Variants in USP37 observed in about 807,000 individuals in gnomAD.
USP37 encodes the protein ubiquitin carboxyl-terminal hydrolase 37.
A neutral mutation model predicts 124.0 loss-of-function variants in USP37; 27 were observed. The ratio of observed to expected loss-of-function variants is 0.22; its 90% CI spans 0.16 to 0.30. The LOEUF (loss-of-function observed/expected upper bound fraction) is 0.30. USP37 is among the 10% of genes least tolerant of loss of function. The pLI is 1.00. For missense variants in USP37, 889 were observed against 1,140.4 expected, an observed-to-expected ratio of 0.78 and a Z score of 3.17; for synonymous variants, 365 against 388.0, an observed-to-expected ratio of 0.94 and a Z score of 0.70.
intron 13 of USP37, among the ~76,000 whole-genome samples, chr2:218,496,602 T>TA (rs11271768): frequency 0.99 from 150,816 of 152,286 alleles, 74,697 homozygotes; most frequent in Middle Eastern, 1. Context: ...CAAATCTATA[T>TA]TTGAAGAGTC....
intron 20 of USP37, among the ~76,000 whole-genome samples, chr2:218,467,063 C>T (rs1690367317): frequency 6.6e-6 from 1 of 152,050 alleles, no homozygotes; most frequent in Non-Finnish European, 1.5e-5. Context: ...GTATGTTGAA[C>T]ATGTGTTTAA....
chr2:218,490,211 T>C (rs1033551159), intron 14 of USP37, among the ~76,000 whole-genome samples: 7 of 152,002 alleles, frequency 4.6e-5, no homozygotes, highest in Admixed American at 1.3e-4. Flanking sequence ...ATTAGCCAGG[T>C]GTGGTGGCAG....
At chr2:218,528,621 G>C (rs548052269) in intron 10 of USP37, 47 of 399,772 alleles carry the variant, frequency 1.2e-4, no homozygotes, top group Non-Finnish European at 1.8e-4. Context: ...TTTTATGGCT[G>C]CATAGTATTC....
intron 10 of USP37, among the ~76,000 whole-genome samples, chr2:218,529,601 A>AT (rs1210999076): frequency 1.3e-5 from 2 of 152,032 alleles, no homozygotes; most frequent in African/African-American, 4.8e-5. Context: ...ATTTGAGACC[A>AT]GGCTGGGCAA....
chr2:218,562,493 A>G (rs913221712), intron 2 of USP37, among the ~76,000 whole-genome samples, 180 bp downstream of exon 2: 1 of 152,228 alleles, frequency 6.6e-6, no homozygotes, highest in African/African-American at 2.4e-5. Flanking sequence ...CTGTACATTT[A>G]TTTAAGTGCT....
chr2:218,510,165 G>T (rs1445795188), intron 10 of USP37, 25 bp from the exon 11 acceptor site: 1 of 1,588,540 alleles, frequency 6.3e-7, no homozygotes, highest in East Asian at 2.2e-5. Context: ...AAATAATGAA[G>T]AAGCAAAATA....
chr2:218,568,349 A>AACACGCAC lies in USP37; in HGVS notation c.-402_-401insGTGCGTGT, dbSNP rs1191896636. 1 of 152,852 alleles carries AACACGCAC rather than the reference A, an allele frequency of 6.5e-6. No homozygotes were observed. The highest frequency in any genetic ancestry group is 1.5e-5 in the Non-Finnish European group (1 of 68,294). The allele number at this position is 152,852 out of a possible 1,614,324, so 9.5% of individuals were successfully genotyped here. ...ATGGCGGGAACTGTGACCACACGCA[A>AACACGCAC]ACACGCACGCACGCACGCACACTCG... On this transcript the variant is annotated 5_prime_UTR_variant, in exon 1 of 26. Transcript: ENST00000258399.
Position 218,474,939 on chromosome 2 carries a change from T to C in USP37, c.2044-54A>G, listed in dbSNP as rs1690885095. 6 of 1,527,580 alleles carry C rather than the reference T, an allele frequency of 3.9e-6. No homozygotes were observed. The South Asian group carries it at 5.1e-5, about 13-fold the overall frequency. 94.6% of individuals were successfully genotyped at this position (1,527,580 alleles called of 1,614,324 possible). Reference sequence around the variant, plus strand: ...ACCAGAATACCTACAAATATAGCAATCTTAATTAGTATTTAAAGTAGCAAC... The same window carrying C: ...ACCAGAATACCTACAAATATAGCAACCTTAATTAGTATTTAAAGTAGCAAC... On this transcript the variant is annotated intron_variant, in intron 19 of 25. Coordinates refer to ENST00000258399, the MANE Select transcript of USP37 (RefSeq NM_020935.3).
chr2:218,545,867 A>G (rs1692291302), intron 8 of USP37, among the ~76,000 whole-genome samples: 1 of 151,586 alleles, frequency 6.6e-6, no homozygotes, highest in Admixed American at 6.6e-5. Flanking sequence ...ATGAAAAAGT[A>G]AAAATTTTTT....
chr2:218,566,368 G>A (rs1693594991), intron 1 of USP37, among the ~76,000 whole-genome samples: 1 of 152,224 alleles, frequency 6.6e-6, no homozygotes, highest in African/African-American at 2.4e-5. Flanking sequence ...CAAGAACCAG[G>A]TTATGCAGTC....
rs1489543562 is a variant in USP37 at position 218,451,017 on chromosome 2, T to C, written c.*3913A>G. 2.0e-5 allele frequency: 3 copies of C among 152,096 alleles called. No individual in the cohort carries two copies. The highest frequency in any genetic ancestry group is 1.9e-4 in the East Asian group (1 of 5,204). The allele number at this position is 152,096 out of a possible 1,614,324, so 9.4% of individuals were successfully genotyped here. Reference sequence around the variant, plus strand: ...ATTGTGGTTAAACACAGCAAAATAATTGTCACAAAACTTTCAAGGCCTAAC... The same window carrying C: ...ATTGTGGTTAAACACAGCAAAATAACTGTCACAAAACTTTCAAGGCCTAAC... On this transcript the variant is annotated 3_prime_UTR_variant, in exon 26 of 26. Transcript: ENST00000258399.
intron 20 of USP37, among the ~76,000 whole-genome samples, chr2:218,467,505 C>T (rs1382792554): frequency 2.0e-5 from 3 of 152,272 alleles, no homozygotes; most frequent in African/African-American, 7.2e-5. Flanking sequence ...CACGCCACCA[C>T]GCCCGGCTAA....
At position 218,546,293 on chromosome 2, in the gene USP37, T is replaced by A. The variant is rs756002134; in HGVS notation, c.608A>T (p.Glu203Val). Reference protein sequence around the residue: ...LRSGLLENRTEKRKRMISTGS... With the variant: ...LRSGLLENRTVKRKRMISTGS... ...AGTTGATATCATTCTTTTCCTCTTTTCAGTACTACAGAGAACAAAGAAAAG... is the reference window on the plus strand; with the variant it reads ...AGTTGATATCATTCTTTTCCTCTTTACAGTACTACAGAGAACAAAGAAAAG... Residue 203 changes from glutamate to valine, a missense_variant, in exon 8 of 26, where the codon GAA (glutamate) becomes GTA (valine). Coordinates refer to ENST00000258399, the MANE Select transcript of USP37 (RefSeq NM_020935.3). 6.2e-7 allele frequency: 1 copy of A among 1,611,370 alleles called. No individual in the cohort carries two copies. Among genetic ancestry groups the A allele is most frequent in the Non-Finnish European group, 8.5e-7 (1 of 1,178,760 alleles).
At chr2:218,468,800 T>G (rs1261634229) in intron 20 of USP37, among the ~76,000 whole-genome samples, 1 of 152,098 alleles carries the variant, frequency 6.6e-6, no homozygotes, top group Non-Finnish European at 1.5e-5. Context: ...TTCAAGAGAT[T>G]CTTATGCCTC....
chr2:218,497,084 T>G (rs1263604727), intron 13 of USP37, among the ~76,000 whole-genome samples: 1 of 152,154 alleles, frequency 6.6e-6, no homozygotes. Context: ...TATTTTTATT[T>G]TTTTGAGACA....
intron 6 of USP37, 80 bp downstream of exon 6, chr2:218,549,729 G>T: frequency 1.5e-6 from 2 of 1,366,126 alleles, no homozygotes; most frequent in East Asian, 2.6e-5. Flanking sequence ...CCTCCCAAGT[G>T]CTGGGATTAC....
At chr2:218,551,962 T>G (rs1692685394) in intron 5 of USP37, among the ~76,000 whole-genome samples, 1 of 152,130 alleles carries the variant, frequency 6.6e-6, no homozygotes, top group African/African-American at 2.4e-5. Flanking sequence ...CTGGCTAATT[T>G]TTTGTATTTT....
chr2:218,465,105 T>C (rs769186375), intron 21 of USP37, among the ~76,000 whole-genome samples: 5 of 151,978 alleles, frequency 3.3e-5, no homozygotes, highest in Non-Finnish European at 4.4e-5. Flanking sequence ...GACAGATAAA[T>C]GTTCTAATAC....
intron 5 of USP37, among the ~76,000 whole-genome samples, chr2:218,551,167 T>C (rs1402659481): frequency 1.3e-5 from 2 of 152,206 alleles, no homozygotes; most frequent in Non-Finnish European, 2.9e-5. Flanking sequence ...TATTAGTCTT[T>C]TGTCCACTGA....
Sources: gnomAD v4.1 joint callset for allele counts (sites outside exome capture counted in the v4.1 genomes callset) on GRCh38, gnomAD v4.1.1 for gene constraint, MANE v1.5 for transcripts, NCBI Gene and HGNC (gene_info 2026-07-23, HGNC 2026-07-21) for gene names.